Variants in GALNT18 observed in about 807,000 individuals in gnomAD.
The protein encoded by GALNT18 is GalNAc-transferase 18.
GALNT18 carries 44 observed loss-of-function variants against 69.5 expected under a neutral mutation model. The ratio of observed to expected loss-of-function variants is 0.63; its 90% CI spans 0.50 to 0.81. The LOEUF (loss-of-function observed/expected upper bound fraction) is 0.81. Ranked by LOEUF, GALNT18 falls within the 40% of genes least tolerant of loss-of-function variation. GALNT18 has a pLI of 0.00. For missense variants in GALNT18, 715 were observed against 810.0 expected (o/e 0.88, Z 1.42); for synonymous variants, 364 against 318.2 (o/e 1.14, Z -1.53).
intron 1 of GALNT18, among the ~76,000 whole-genome samples, chr11:11,558,970 C>CCTG (rs2133979377): frequency 6.6e-6 from 1 of 152,350 alleles, no homozygotes; most frequent in South Asian, 2.1e-4. Context: ...AGCACCATAG[C>CCTG]CTGCCAGAGC....
At chr11:11,611,062 G>C (rs1859887700) in intron 1 of GALNT18, among the ~76,000 whole-genome samples, 2 of 152,156 alleles carry the variant, frequency 1.3e-5, no homozygotes, top group Admixed American at 6.5e-5. Flanking sequence ...TCTTCCACTT[G>C]GATAATAGAA....
chr11:11,289,945 T>G (rs903469714), intron 10 of GALNT18, among the ~76,000 whole-genome samples: 1 of 151,628 alleles, frequency 6.6e-6, no homozygotes, highest in African/African-American at 2.4e-5. Flanking sequence ...GGCAGAGGAG[T>G]CTGAAGAGGG....
chr11:11,612,074 G>A (rs1218316143), intron 1 of GALNT18, among the ~76,000 whole-genome samples: 1 of 152,110 alleles, frequency 6.6e-6, no homozygotes, highest in Non-Finnish European at 1.5e-5. Context: ...TCTGTAGAGA[G>A]CATTGGTTTT....
chr11:11,478,401 A>C (rs1283795874), intron 1 of GALNT18, among the ~76,000 whole-genome samples: 1 of 152,238 alleles, frequency 6.6e-6, no homozygotes, highest in South Asian at 2.1e-4. Flanking sequence ...TCCTATAAAA[A>C]GGGAGTAAAC....
chr11:11,562,395 T>C lies in GALNT18; in HGVS notation c.235+58964A>G, dbSNP rs1390561483. ...CCACCCCAATGACCTCATTTTCACTTGATTTGTTCTATAAAGTTTCTATCT... is the reference window on the plus strand; with the variant it reads ...CCACCCCAATGACCTCATTTTCACTCGATTTGTTCTATAAAGTTTCTATCT... On this transcript the variant is annotated intron_variant, in intron 1 of 10. Coordinates refer to ENST00000227756, the MANE Select transcript of GALNT18 (RefSeq NM_198516.3). The surrounding 1 kb of genome is among the most constrained non-coding windows in gnomAD (Gnocchi z 4.1). 6.6e-6 allele frequency among the ~76,000 whole-genome samples: 1 copy of C among 151,136 alleles called. No individual in the cohort carries two copies. Among genetic ancestry groups the C allele is most frequent in the Non-Finnish European group, 1.5e-5 (1 of 68,004 alleles).
Position 11,601,603 on chromosome 11 carries a change from T to C in GALNT18, c.235+19756A>G, listed in dbSNP as rs1859636555. 6.6e-6 allele frequency among the ~76,000 whole-genome samples: 1 copy of C among 152,224 alleles called. No homozygotes were observed. Among genetic ancestry groups the C allele is most frequent in the Non-Finnish European group, 1.5e-5 (1 of 68,048 alleles). On this transcript the variant is annotated intron_variant, in intron 1 of 10. Transcript: ENST00000227756. This position sits in a 1 kb window ranked among gnomAD's most constrained non-coding sequence, Gnocchi z 4.0. ...AGGCATAAATTGCTCCACAGTCTGA[T>C]CCAATTAAATTTGGGTTTGGGGGTT... is the stretch of plus-strand genomic sequence containing the variant.
intron 9 of GALNT18, among the ~76,000 whole-genome samples, chr11:11,317,781 C>G (rs1420991717): frequency 2.0e-5 from 3 of 152,174 alleles, no homozygotes; most frequent in African/African-American, 7.2e-5. Context: ...CAAGCTTCTT[C>G]TTCAAGGAAA....
chr11:11,332,964 C>T lies in GALNT18; in HGVS notation c.1279-133G>A, dbSNP rs565367751. ...GGGAAGGGACCATGTGGCACGTTAA[C>T]TCTTGCATTTTCCCACGGGTACCTT... On this transcript the variant is annotated intron_variant, in intron 7 of 10. Transcript: ENST00000227756. This position sits in a 1 kb window ranked among gnomAD's most constrained non-coding sequence, Gnocchi z 4.3. 5.6e-5 allele frequency: 52 copies of T among 934,736 alleles called. No homozygotes were observed. The highest frequency in any genetic ancestry group is 7.6e-5 in the Non-Finnish European group (47 of 616,294). The allele number at this position is 934,736 out of a possible 1,614,324, so 57.9% of individuals were successfully genotyped here.
At chr11:11,577,163 A>T (rs1858945273) in intron 1 of GALNT18, among the ~76,000 whole-genome samples, 1 of 152,194 alleles carries the variant, frequency 6.6e-6, no homozygotes, top group Non-Finnish European at 1.5e-5. Context: ...GAAATAACGT[A>T]TGTGCTGCAT....
intron 3 of GALNT18, among the ~76,000 whole-genome samples, chr11:11,405,457 G>A (rs542885447): frequency 2.6e-5 from 4 of 152,148 alleles, no homozygotes; most frequent in African/African-American, 4.8e-5. Flanking sequence ...GAAGGGTGTC[G>A]CAGATTTTCA....
At chr11:11,407,642 C>T (rs534876235) in intron 3 of GALNT18, among the ~76,000 whole-genome samples, 3 of 152,320 alleles carry the variant, frequency 2.0e-5, no homozygotes, top group South Asian at 2.1e-4. Flanking sequence ...TCCCAGTAAC[C>T]GTGTTATCCC....
intron 5 of GALNT18, among the ~76,000 whole-genome samples, chr11:11,373,761 C>T (rs1170790849): frequency 2.0e-5 from 3 of 152,210 alleles, no homozygotes; most frequent in African/African-American, 4.8e-5. Context: ...GGTGAGTTAG[C>T]GTGAGAGCAC....
At chr11:11,411,310 C>CT (rs1854721743) in intron 3 of GALNT18, among the ~76,000 whole-genome samples, 1 of 152,160 alleles carries the variant, frequency 6.6e-6, no homozygotes, top group Non-Finnish European at 1.5e-5. Context: ...TTCCCGCTGT[C>CT]TACACACGAG....
In GALNT18 at chr11:11,432,725, T is replaced by C. The variant is rs1855300809; in HGVS notation, c.491A>G (p.Asn164Ser). The C allele has an allele frequency of 1.9e-6, 3 of 1,614,102 alleles. No individual in the cohort carries two copies. The highest frequency in any genetic ancestry group is 1.3e-5 in the African/African-American group (1 of 75,038). The change falls in exon 3 of 11, where the codon AAT becomes AGT. Residue 164 changes from asparagine (N) to serine (S), a missense_variant. By Grantham distance (46) the Asn-to-Ser change is conservative (BLOSUM62 1). Coordinates refer to ENST00000227756, the MANE Select transcript of GALNT18 (RefSeq NM_198516.3). This position sits in a 1 kb window ranked among gnomAD's most constrained non-coding sequence, Gnocchi z 5.8. ...PEVSIVFIFV[N>S]EALSVLLRSI... ...GCGCAGCAGCACTGAAAGCGCTTCA[T>C]TGACGAAGATGAACACGATGCTCAC... is the stretch of plus-strand genomic sequence containing the variant.
At chr11:11,593,127 A>T (rs895821557) in intron 1 of GALNT18, among the ~76,000 whole-genome samples, 1 of 152,036 alleles carries the variant, frequency 6.6e-6, no homozygotes, top group African/African-American at 2.4e-5. Flanking sequence ...GTTAGCCAGG[A>T]TGGTCTCGAT....
At chr11:11,449,025 T>C in intron 1 of GALNT18, 89 bp from the exon 2 acceptor site, 1 of 1,124,316 alleles carries the variant, frequency 8.9e-7, no homozygotes, top group Non-Finnish European at 1.2e-6. Context: ...CAAACAGCCT[T>C]TGGTAAAACA....
chr11:11,575,626 T>G (rs1858906693), intron 1 of GALNT18, among the ~76,000 whole-genome samples: 1 of 152,268 alleles, frequency 6.6e-6, no homozygotes, highest in Non-Finnish European at 1.5e-5. Context: ...TCCTGCTCTC[T>G]GTTTTCTGTT....
intron 1 of GALNT18, among the ~76,000 whole-genome samples, chr11:11,479,723 T>A (rs2133866989): frequency 6.6e-6 from 1 of 152,298 alleles, no homozygotes; most frequent in South Asian, 2.1e-4. Context: ...CTGTGCCCCA[T>A]GCGGAAGTCA....
Position 11,309,608 on chromosome 11 carries a change from C to T in GALNT18, c.1513-16415G>A, listed in dbSNP as rs1036943947. On this transcript the variant is annotated intron_variant, in intron 9 of 10. Transcript: ENST00000227756. This position sits in a 1 kb window ranked among gnomAD's most constrained non-coding sequence, Gnocchi z 4.6. The stretch of plus-strand genomic sequence containing the variant: ...ACACCTGTTCCCTGGAGGCTAGCAC[C>T]ACCAGAGAAAATTCATGGAACTGGG... Among the ~76,000 whole-genome samples the T allele has an allele frequency of 6.6e-6, 1 of 152,104 alleles. No homozygotes were observed.
Sources: allele counts gnomAD v4.1 joint callset (sites outside exome capture counted in the v4.1 genomes callset), GRCh38; gene constraint gnomAD v4.1.1; non-coding constraint Gnocchi (gnomAD v3.1); transcripts MANE v1.5; gene names NCBI Gene and HGNC (gene_info 2026-07-23, HGNC 2026-07-21).